ZC3H12B: variants seen among roughly 807,000 people sequenced by gnomAD.
ZC3H12B encodes probable ribonuclease ZC3H12B.
In ZC3H12B, 7 loss-of-function variants were observed where a neutral mutation model predicts 43.9. The ratio of observed to expected loss-of-function variants is 0.16; its 90% CI spans 0.09 to 0.30. The LOEUF (loss-of-function observed/expected upper bound fraction) is 0.30, where lower values mean the gene tolerates loss of function less well. ZC3H12B is among the 10% of genes least tolerant of loss of function. The pLI is 1.00. For synonymous variants in ZC3H12B, 222 were observed against 241.7 expected (o/e 0.92, Z 0.76); for missense variants, 475 against 670.2 (o/e 0.71, Z 3.22).
At chrX:65,116,895 T>C in the ZC3H12B span, among the ~76,000 whole-genome samples, 1 of 112,281 alleles carries the variant, frequency 8.9e-6, no homozygotes, top group African/African-American at 3.2e-5. Flanking sequence ...ATACTCATCC[T>C]TTTTTATGAC....
At chrX:65,362,139 C>T (rs1424340205), upstream of ZC3H12B, among the ~76,000 whole-genome samples, 3 of 112,104 alleles carry the variant, frequency 2.7e-5, no homozygotes, top group Non-Finnish European at 5.6e-5. Context: ...TGGCCCAAGG[C>T]TCTCTGACTG....
the ZC3H12B span, among the ~76,000 whole-genome samples, chrX:65,188,326 G>A: frequency 1.9e-5 from 2 of 108,097 alleles, no homozygotes; most frequent in Non-Finnish European, 3.8e-5. Context: ...TATATACCTA[G>A]CAGTGACATT....
At chrX:65,481,521 A>G (rs969725471) in intron 3 of ZC3H12B, among the ~76,000 whole-genome samples, 1 of 111,385 alleles carries the variant, frequency 9.0e-6, no homozygotes, top group East Asian at 2.8e-4. Context: ...TTCTCACTAT[A>G]CTAAGACACC....
the ZC3H12B span, among the ~76,000 whole-genome samples, chrX:65,287,451 A>T: frequency 9.0e-6 from 1 of 111,111 alleles, no homozygotes; most frequent in Non-Finnish European, 1.9e-5. Context: ...AGAAATGAAG[A>T]TAGAAATTAA....
At chrX:65,162,930 C>A in the ZC3H12B span, among the ~76,000 whole-genome samples, 1 of 111,967 alleles carries the variant, frequency 8.9e-6, no homozygotes, top group African/African-American at 3.2e-5. Context: ...GATGGTGATG[C>A]ACACATGGGT....
At chrX:65,051,801 C>T in the ZC3H12B span, among the ~76,000 whole-genome samples, 3 of 109,923 alleles carry the variant, frequency 2.7e-5, no homozygotes, top group Non-Finnish European at 5.7e-5. Flanking sequence ...CTTTGGCAGG[C>T]AGGGGATAGG....
intron 3 of ZC3H12B, among the ~76,000 whole-genome samples, chrX:65,421,551 C>G (rs1171963433): frequency 8.9e-6 from 1 of 112,477 alleles, no homozygotes; most frequent in Admixed American, 9.4e-5. Flanking sequence ...GCCTTCCCTA[C>G]ACTCAATGCT....
At chrX:65,288,768 T>TA in the ZC3H12B span, among the ~76,000 whole-genome samples, 9 of 111,453 alleles carry the variant, frequency 8.1e-5, no homozygotes, top group African/African-American at 2.9e-4. Flanking sequence ...GGGAAAAAAG[T>TA]AAAAAGTATC....
chrX:65,054,708 G>C, the ZC3H12B span, among the ~76,000 whole-genome samples: 1 of 111,561 alleles, frequency 9.0e-6, no homozygotes, highest in African/African-American at 3.3e-5. Flanking sequence ...ATTGATTCTT[G>C]CTATCCATGA....
At chrX:65,264,189 A>G in the ZC3H12B span, among the ~76,000 whole-genome samples, 2 of 111,510 alleles carry the variant, frequency 1.8e-5, no homozygotes, top group Non-Finnish European at 3.8e-5. Flanking sequence ...GAGGAATAAA[A>G]GATGACATAT....
At chrX:65,103,295 C>G in the ZC3H12B span, among the ~76,000 whole-genome samples, 1 of 111,787 alleles carries the variant, frequency 8.9e-6, no homozygotes, top group Non-Finnish European at 1.9e-5. Flanking sequence ...CTCCTATTTG[C>G]TTTTGTAAGA....
At chrX:65,357,838 A>G in the ZC3H12B span, among the ~76,000 whole-genome samples, 1 of 111,630 alleles carries the variant, frequency 9.0e-6, no homozygotes, top group Admixed American at 9.5e-5. Context: ...ATTAACACAT[A>G]ACAATATTAA....
chrX:65,267,199 CTTT>C, the ZC3H12B span, among the ~76,000 whole-genome samples: 3 of 90,385 alleles, frequency 3.3e-5, no homozygotes, highest in Admixed American at 1.2e-4. Context: ...TTCTTTCTTT[CTTT>C]TTTTTTTTTT....
intron 3 of ZC3H12B, chrX:65,469,600 A>C (rs2067878503): frequency 4.2e-6 from 1 of 235,869 alleles, no homozygotes; most frequent in Admixed American, 5.7e-5. Context: ...CTGCCTCAGC[A>C]CCCAGGTCTA....
the ZC3H12B span, among the ~76,000 whole-genome samples, chrX:65,232,671 A>T: frequency 8.9e-6 from 1 of 111,987 alleles, no homozygotes; most frequent in Non-Finnish European, 1.9e-5. Context: ...GAGGACAAGA[A>T]GGAAGGAAGA....
chrX:65,160,514 A>T, the ZC3H12B span, among the ~76,000 whole-genome samples: 4 of 111,591 alleles, frequency 3.6e-5, no homozygotes, highest in East Asian at 1.1e-3. Context: ...CGAGGAATTT[A>T]TCCATTTCTT....
the ZC3H12B span, among the ~76,000 whole-genome samples, chrX:65,154,410 A>T: frequency 8.9e-6 from 1 of 111,880 alleles, no homozygotes; most frequent in African/African-American, 3.3e-5. Flanking sequence ...GTTACAGTTT[A>T]GGCATTAATT....
chrX:65,110,750 T>C, the ZC3H12B span, among the ~76,000 whole-genome samples: 2 of 111,812 alleles, frequency 1.8e-5, no homozygotes, highest in Non-Finnish European at 3.8e-5. Context: ...AGAATAATCT[T>C]GTCTATATCT....
the ZC3H12B span, among the ~76,000 whole-genome samples, chrX:65,158,690 A>G: frequency 1.3e-4 from 14 of 111,434 alleles, no homozygotes; most frequent in African/African-American, 3.9e-4. Flanking sequence ...TCAGATGAGT[A>G]GGTTACGAAA....
Sources: gnomAD v4.1 joint callset for allele counts (sites outside exome capture counted in the v4.1 genomes callset) on GRCh38, gnomAD v4.1.1 for gene constraint, MANE v1.5 for transcripts, NCBI Gene and HGNC (gene_info 2026-07-23, HGNC 2026-07-21) for gene names.